Variants in DLG2 observed in about 807,000 individuals in gnomAD.
DLG2 encodes discs large MAGUK scaffold protein 2.
In DLG2, 45 loss-of-function variants were observed where a neutral mutation model predicts 132.5. The ratio of observed to expected loss-of-function variants is 0.34; its 90% CI spans 0.27 to 0.44. DLG2 has a LOEUF of 0.44. Among genes scored for constraint, DLG2 ranks in the 20% least tolerant of loss-of-function variants. The pLI is 1.00. For synonymous variants in DLG2, 424 were observed against 419.6 expected, an observed-to-expected ratio of 1.01 and a Z score of -0.13; for missense variants, 1,045 against 1,196.9, an observed-to-expected ratio of 0.87 and a Z score of 1.87.
At chr11:84,825,890 T>C (rs1296301588) in intron 6 of DLG2, among the ~76,000 whole-genome samples, 1 of 151,910 alleles carries the variant, frequency 6.6e-6, no homozygotes, top group Non-Finnish European at 1.5e-5. Context: ...CCCTTTCTCA[T>C]ACAGGATCTA....
intron 6 of DLG2, among the ~76,000 whole-genome samples, chr11:84,854,374 A>G (rs2082518885): frequency 6.6e-6 from 1 of 151,858 alleles, no homozygotes. Context: ...TGGTATTAGT[A>G]TTTGCCTCTA....
chr11:84,877,048 G>C (rs972589900), intron 6 of DLG2, among the ~76,000 whole-genome samples: 1 of 152,172 alleles, frequency 6.6e-6, no homozygotes, highest in African/African-American at 2.4e-5. Context: ...TGGTCTGAGA[G>C]ACTGTTTTTT....
At chr11:85,615,443 G>C (rs2081271380) in intron 2 of DLG2, among the ~76,000 whole-genome samples, 1 of 151,914 alleles carries the variant, frequency 6.6e-6, no homozygotes, top group Admixed American at 6.6e-5. Context: ...CTTGAACCCA[G>C]AAAGCAGAGG....
intron 18 of DLG2, among the ~76,000 whole-genome samples, chr11:83,689,699 T>C (rs1050931507): frequency 6.6e-6 from 1 of 151,870 alleles, no homozygotes; most frequent in Non-Finnish European, 1.5e-5. Context: ...AAATGTCAGT[T>C]TATGTCCTGA....
At chr11:85,337,008 G>A (rs559441837) in intron 3 of DLG2, among the ~76,000 whole-genome samples, 18 of 152,174 alleles carry the variant, frequency 1.2e-4, no homozygotes, top group East Asian at 1.2e-3. Context: ...TTATTCACAT[G>A]CTTTCTTAAA....
chr11:84,830,809 A>T (rs1444101898), intron 6 of DLG2, among the ~76,000 whole-genome samples: 1 of 151,540 alleles, frequency 6.6e-6, no homozygotes, highest in Admixed American at 6.6e-5. Flanking sequence ...TTCAATGTAT[A>T]AGATAATAAG....
intron 6 of DLG2, among the ~76,000 whole-genome samples, chr11:85,022,967 T>C (rs2060210401): frequency 1.3e-5 from 2 of 152,124 alleles, no homozygotes; most frequent in Admixed American, 1.3e-4. Context: ...CAAGGATTGA[T>C]TGCACTTAAT....
intron 3 of DLG2, among the ~76,000 whole-genome samples, chr11:85,296,467 C>CTTTTTTTTTTTTTTTTTTTTTT (rs66526147): frequency 2.5e-5 from 3 of 121,552 alleles, no homozygotes; most frequent in Non-Finnish European, 3.4e-5. Flanking sequence ...TTTCGATTTT[C>CTTTTTTTTTTTTTTTTTTTTTT]TTTTTTTTTT....
intron 7 of DLG2, among the ~76,000 whole-genome samples, chr11:84,436,570 G>A (rs916274307): frequency 3.3e-5 from 5 of 152,138 alleles, no homozygotes; most frequent in East Asian, 1.9e-4. Context: ...AATGCCTACC[G>A]CATTGGATAT....
intron 12 of DLG2, among the ~76,000 whole-genome samples, 161 bp downstream of exon 12, chr11:83,980,345 A>T (rs773559792): frequency 7.2e-5 from 11 of 152,162 alleles, no homozygotes; most frequent in African/African-American, 1.2e-4. Context: ...GGAACCTTGG[A>T]CTTTGTAGTC....
rs146943906 is a variant in DLG2 at position 85,136,290 on chromosome 11, A to C, written c.282+18266T>G. 3.9e-5 allele frequency among the ~76,000 whole-genome samples: 6 copies of C among 152,330 alleles called. No homozygotes were observed. In the East Asian group the frequency reaches 9.6e-4, roughly 24 times the overall value. ...ATTCGCCTCAAGTGATTAACTGGAT[A>C]ATGTATGTAGGTTTAGATATAAGTA... is the stretch of plus-strand genomic sequence containing the variant. On this transcript the variant is annotated intron_variant, in intron 5 of 27. Coordinates refer to ENST00000376104, the MANE Select transcript of DLG2 (RefSeq NM_001142699.3).
chr11:83,586,965 A>C (rs941035100), intron 19 of DLG2, among the ~76,000 whole-genome samples: 5 of 152,342 alleles, frequency 3.3e-5, no homozygotes, highest in South Asian at 4.1e-4. Flanking sequence ...TGACACTAGT[A>C]AATGAGGCTT....
intron 17 of DLG2, among the ~76,000 whole-genome samples, chr11:83,800,592 AT>A (rs2044090426): frequency 6.6e-6 from 1 of 152,188 alleles, no homozygotes. Context: ...GATATTGAAT[AT>A]TTATGTATCT....
intron 7 of DLG2, among the ~76,000 whole-genome samples, chr11:84,530,319 T>C (rs748419018): frequency 6.6e-6 from 1 of 152,140 alleles, no homozygotes; most frequent in Non-Finnish European, 1.5e-5. Context: ...TAAGAGCTTC[T>C]ACACAACAAA....
At chr11:85,375,229 C>T (rs1391629883) in intron 3 of DLG2, among the ~76,000 whole-genome samples, 1 of 152,030 alleles carries the variant, frequency 6.6e-6, no homozygotes, top group African/African-American at 2.4e-5. Flanking sequence ...AATTGTATGA[C>T]CTTGTAGAAT....
At chr11:83,710,899 ATTT>A (rs2085262279) in intron 18 of DLG2, among the ~76,000 whole-genome samples, 3 of 152,224 alleles carry the variant, frequency 2.0e-5, no homozygotes, top group Non-Finnish European at 2.9e-5. Flanking sequence ...AGTAACAATC[ATTT>A]GTAATACTAA....
intron 3 of DLG2, among the ~76,000 whole-genome samples, chr11:85,405,927 A>G (rs1371649992): frequency 6.6e-6 from 1 of 152,000 alleles, no homozygotes; most frequent in Non-Finnish European, 1.5e-5. Flanking sequence ...GATTATCAAG[A>G]GATATTACCA....
chr11:84,082,985 T>A (rs2096925771), intron 10 of DLG2, among the ~76,000 whole-genome samples: 1 of 152,084 alleles, frequency 6.6e-6, no homozygotes, highest in South Asian at 2.1e-4. Flanking sequence ...ATCAAGAAAA[T>A]AACTAAGTCA....
At chr11:85,203,403 C>A (rs2081613067) in intron 4 of DLG2, among the ~76,000 whole-genome samples, 1 of 151,866 alleles carries the variant, frequency 6.6e-6, no homozygotes, top group Non-Finnish European at 1.5e-5. Context: ...TACAAAGGAT[C>A]ATTAGAGACA....
Sources: allele counts gnomAD v4.1 joint callset (sites outside exome capture counted in the v4.1 genomes callset), GRCh38; gene constraint gnomAD v4.1.1; transcripts MANE v1.5; gene names NCBI Gene and HGNC (gene_info 2026-07-23, HGNC 2026-07-21).